RALGAPA1: variants seen among roughly 807,000 people sequenced by gnomAD.
RALGAPA1 encodes the protein Ral GTPase activating protein catalytic subunit alpha 1.
A neutral mutation model predicts 269.6 loss-of-function variants in RALGAPA1; 52 were observed. The ratio of observed to expected loss-of-function variants is 0.19; its 90% CI spans 0.15 to 0.24. The LOEUF (loss-of-function observed/expected upper bound fraction) is 0.24. Among genes scored for constraint, RALGAPA1 ranks in the 10% least tolerant of loss-of-function variants. The probability of loss-of-function intolerance (pLI) is 1.00; values close to 1 mark genes in which losing one functional copy is unlikely to be tolerated. For synonymous variants in RALGAPA1, 817 were observed against 1,008.3 expected (o/e 0.81, Z 3.60); for missense variants, 1,917 against 3,013.9 (o/e 0.64, Z 8.52).
At chr14:35,763,545 C>A (rs1158342645) in intron 4 of RALGAPA1, among the ~76,000 whole-genome samples, 1 of 152,018 alleles carries the variant, frequency 6.6e-6, no homozygotes, top group African/African-American at 2.4e-5. Context: ...TTATATGTTA[C>A]TTTTCACATC....
intron 17 of RALGAPA1, among the ~76,000 whole-genome samples, chr14:35,694,683 AT>A: frequency 6.6e-6 from 1 of 152,254 alleles, no homozygotes; most frequent in Non-Finnish European, 1.5e-5. Context: ...CTACCAATAC[AT>A]TTTTTATGTT....
intron 12 of RALGAPA1, among the ~76,000 whole-genome samples, chr14:35,729,256 T>C (rs2070246768): frequency 6.6e-6 from 1 of 152,064 alleles, no homozygotes; most frequent in South Asian, 2.1e-4. Context: ...AATTACTATA[T>C]CCCATCAAAA....
At chr14:35,643,208 GC>G (rs2062149486) in intron 31 of RALGAPA1, among the ~76,000 whole-genome samples, 1 of 152,030 alleles carries the variant, frequency 6.6e-6, no homozygotes, top group Non-Finnish European at 1.5e-5. Context: ...GGGAGGGATA[GC>G]ATTAGGAAAT....
In RALGAPA1 at chr14:35,689,236, T is replaced by C. The variant is rs913631311; in HGVS notation, c.3175A>G (p.Lys1059Glu). 7 of 1,232,320 alleles carry C rather than the reference T, an allele frequency of 5.7e-6. No homozygotes were observed. The highest frequency in any genetic ancestry group is 6.1e-6 in the Non-Finnish European group (6 of 988,180). 76.3% of individuals were successfully genotyped at this position (1,232,320 alleles called of 1,614,324 possible). A position where few individuals can be genotyped will look rare whatever the true frequency, so the allele number is the denominator to read the frequency against. The change falls in exon 18 of 42, where the codon AAA (lysine) becomes GAA (glutamate). Residue 1059 changes from lysine (K) to glutamate (E), a missense_variant. Physicochemically the swap from Lys to Glu is moderately conservative, Grantham distance 56. Around this residue, in one of 11 missense-constraint regions of RALGAPA1, gnomAD observed 615 missense variants for 790.0 expected, o/e 0.78. Transcript: ENST00000680220. ...PSLDSPCDKE[K>E]RKHLYRQAAT... is the part of the protein sequence containing the mutation. ...GCTTGTCTGTACAGATGTTTCCTTT[T>C]TTCTTTATCACAAGGGCTATCTAAA...
At chr14:35,569,795 T>C (rs1336346318) in intron 39 of RALGAPA1, among the ~76,000 whole-genome samples, 1 of 152,172 alleles carries the variant, frequency 6.6e-6, no homozygotes, top group Admixed American at 6.5e-5. Flanking sequence ...CTTGTTACTA[T>C]ATTTCTGGAA....
In RALGAPA1 at chr14:35,680,772, G is replaced by A. The variant is rs536697461; in HGVS notation, c.4472-2670C>T. Among the ~76,000 whole-genome samples the A allele has an allele frequency of 1.4e-4, 21 of 151,734 alleles. No homozygotes were observed. In the East Asian group the frequency reaches 2.3e-3, roughly 17 times the overall value. ...TAGGACTACAGGTGCCCACCACCAC[G>A]CCCGGCTAATTTTTTGTATTTTTAG... On this transcript the variant is annotated intron_variant, in intron 21 of 41. Transcript: ENST00000680220.
chr14:35,627,161 T>C lies in RALGAPA1; in HGVS notation c.6786A>G (p.Gln2262=), dbSNP rs747547858. ...KAVEQDEPIP[Q]KPQSAFYYCR... ...AATAATAAAATGCTGACTGAGGTTTTTGAGGTATTGGTTCATCTTGTTCCA... is the reference window on the plus strand; with the variant it reads ...AATAATAAAATGCTGACTGAGGTTTCTGAGGTATTGGTTCATCTTGTTCCA... Residue 2262 remains glutamine, a synonymous_variant, in exon 34 of 42, where the codon CAA becomes CAG. Coordinates refer to ENST00000680220, the MANE Select transcript of RALGAPA1 (RefSeq NM_001346249.2). 4.5e-6 allele frequency: 7 copies of C among 1,571,342 alleles called. No homozygotes were observed. In the East Asian group the frequency reaches 6.7e-5, roughly 15 times the overall value.
At chr14:35,750,768 T>G in intron 8 of RALGAPA1, 78 bp from the exon 9 acceptor site, 1 of 1,192,142 alleles carries the variant, frequency 8.4e-7, no homozygotes, top group Non-Finnish European at 1.2e-6. Flanking sequence ...TTTTAAATAC[T>G]TGAGAAAATA....
chr14:35,783,327 T>A (rs937436088), intron 1 of RALGAPA1, among the ~76,000 whole-genome samples: 27 of 152,158 alleles, frequency 1.8e-4, no homozygotes, highest in African/African-American at 6.3e-4. Context: ...AAAGTATTTT[T>A]AACAAATGGT....
chr14:35,682,666 T>C (rs1050748806), intron 21 of RALGAPA1, among the ~76,000 whole-genome samples: 3 of 152,184 alleles, frequency 2.0e-5, no homozygotes, highest in Admixed American at 1.3e-4. Context: ...GTAGTTTTTA[T>C]TTGCATTCTC....
chr14:35,545,184 T>A (rs1401950557), intron 41 of RALGAPA1, among the ~76,000 whole-genome samples: 1 of 152,190 alleles, frequency 6.6e-6, no homozygotes, highest in Non-Finnish European at 1.5e-5. Context: ...TTATTTCAGA[T>A]CATTTCAAAG....
At chr14:35,774,396 TA>T (rs1229462221) in intron 3 of RALGAPA1, among the ~76,000 whole-genome samples, 2 of 152,084 alleles carry the variant, frequency 1.3e-5, no homozygotes, top group East Asian at 3.8e-4. Context: ...AGCAAGGAGT[TA>T]TTTTAAAAGG....
intron 1 of RALGAPA1, among the ~76,000 whole-genome samples, chr14:35,790,202 G>A (rs1333405084): frequency 6.6e-6 from 1 of 150,876 alleles, no homozygotes; most frequent in South Asian, 2.1e-4. Flanking sequence ...GCAGTGAGCC[G>A]AGATCTCACC....
At chr14:35,591,179 A>AC (rs2138924335) in intron 37 of RALGAPA1, among the ~76,000 whole-genome samples, 1 of 152,326 alleles carries the variant, frequency 6.6e-6, no homozygotes, top group African/African-American at 2.4e-5. Flanking sequence ...ATTCTATGAT[A>AC]CCCCTTACAG....
At chr14:35,612,829 T>C (rs754472459) in intron 35 of RALGAPA1, among the ~76,000 whole-genome samples, 11 of 151,942 alleles carry the variant, frequency 7.2e-5, no homozygotes, top group South Asian at 2.1e-4. Context: ...TGAGCCACCG[T>C]GCCCGGCCTA....
intron 33 of RALGAPA1, among the ~76,000 whole-genome samples, chr14:35,634,275 G>A (rs1277716274): frequency 6.6e-6 from 1 of 152,144 alleles, no homozygotes; most frequent in Non-Finnish European, 1.5e-5. Flanking sequence ...TGCTCAACTG[G>A]TAAGTATAAT....
chr14:35,734,963 T>A (rs1404096032), intron 12 of RALGAPA1, among the ~76,000 whole-genome samples: 1 of 151,688 alleles, frequency 6.6e-6, no homozygotes, highest in Non-Finnish European at 1.5e-5. Context: ...TCAAAATCAT[T>A]AATGATCAGG....
At chr14:35,566,992 A>C (rs926244324) in intron 39 of RALGAPA1, among the ~76,000 whole-genome samples, 6 of 151,416 alleles carry the variant, frequency 4.0e-5, no homozygotes, top group African/African-American at 1.2e-4. Flanking sequence ...TACATACTAC[A>C]CTAGGTATAT....
chr14:35,612,550 T>C (rs1187351064), intron 35 of RALGAPA1, among the ~76,000 whole-genome samples: 1 of 150,778 alleles, frequency 6.6e-6, no homozygotes, highest in Non-Finnish European at 1.5e-5. Context: ...TCTTTTTTTT[T>C]TTTTTTGAGA....
Sources: allele counts gnomAD v4.1 joint callset (sites outside exome capture counted in the v4.1 genomes callset), GRCh38; gene constraint gnomAD v4.1.1; regional missense constraint gnomAD v4.1.1; transcripts MANE v1.5; gene names NCBI Gene and HGNC (gene_info 2026-07-23, HGNC 2026-07-21).